ZNF304: variants seen among roughly 807,000 people sequenced by gnomAD.
The protein encoded by ZNF304 is KRAB-containing zinc finger protein.
Under a neutral mutation model 7.8 loss-of-function variants are expected in ZNF304, and 7 were observed. The observed-to-expected ratio is 0.90, with a 90% CI of 0.51 to 1.69. The LOEUF is 1.69. Ranked by LOEUF, ZNF304 falls within the 40% of genes most tolerant of loss-of-function variation. The pLI, the probability that ZNF304 is intolerant of heterozygous loss-of-function variation, is 0.00. For missense variants in ZNF304, 669 were observed against 804.8 expected (o/e 0.83, Z 2.04); for synonymous variants, 280 against 272.4 (o/e 1.03, Z -0.27).
intron 2 of ZNF304, chr19:57,355,246 C>A: frequency 1.3e-6 from 1 of 764,698 alleles, no homozygotes; most frequent in South Asian, 1.3e-5. Context: ...CTGCGCCACT[C>A]ACCTGCCCTT....
intron 1 of ZNF304, chr19:57,352,716 C>T (rs1308990810): frequency 6.6e-6 from 1 of 152,272 alleles, no homozygotes; most frequent in African/African-American, 2.4e-5. Flanking sequence ...GGTGTCTGGT[C>T]TAGAGGTGTG....
At chr19:57,354,593 G>A (rs1049259087) in intron 2 of ZNF304, among the ~76,000 whole-genome samples, 1 of 152,196 alleles carries the variant, frequency 6.6e-6, no homozygotes, top group South Asian at 2.1e-4. Context: ...GCCCAGGATT[G>A]TAACCTAATC....
rs1451014074 is a variant in ZNF304 at position 57,357,821 on chromosome 19, C to G, written c.1952C>G (p.Pro651Arg). 6.2e-7 allele frequency: 1 copy of G among 1,603,274 alleles called. No individual in the cohort carries two copies. Among genetic ancestry groups the G allele is most frequent in the South Asian group, 1.1e-5 (1 of 89,230 alleles). Residue 651 changes from proline to arginine, a missense_variant, in exon 3 of 3, where the codon CCT (proline) becomes CGT (arginine). Physicochemically the swap from Pro to Arg is moderately radical, Grantham distance 103. Transcript: ENST00000282286. ...RAHECNSFGG[P>R]LAASLKLV ...CACGAGTGCAACAGTTTTGGTGGCC[C>G]TTTAGCTGCATCTCTTAAACTTGTT...
At position 57,351,483 on chromosome 19, in the gene ZNF304, G is replaced by C; in HGVS notation, c.-182G>C. The C allele has an allele frequency of 7.4e-6, 5 of 671,840 alleles. No individual in the cohort carries two copies. The South Asian group carries it at 9.1e-5, about 12-fold the overall frequency. The allele number at this position is 671,840 out of a possible 1,614,324, so 41.6% of individuals were successfully genotyped here. On this transcript the variant is annotated 5_prime_UTR_variant, in exon 1 of 3. Coordinates refer to ENST00000282286, the MANE Select transcript of ZNF304 (RefSeq NM_020657.4). The surrounding 1 kb of genome is among the most constrained non-coding windows in gnomAD (Gnocchi z 4.1). ...TCTGCCGGGGCTGGGCTCTTACCGAGGCCTCCACACACGTCCTCTTGTCCT... is the reference window on the plus strand; with the variant it reads ...TCTGCCGGGGCTGGGCTCTTACCGACGCCTCCACACACGTCCTCTTGTCCT...
At chr19:57,353,699 G>T (rs967716181) in intron 1 of ZNF304, 26 bp from the exon 2 acceptor site, 2 of 1,588,920 alleles carry the variant, frequency 1.3e-6, no homozygotes, top group Non-Finnish European at 1.7e-6. Context: ...TGCTGACTGT[G>T]GACTCAGCTG....
rs1300907010 is a variant in ZNF304, at chr19:57,356,858, C to G, written c.989C>G (p.Thr330Ser). Residue 330 changes from threonine to serine, a missense_variant, in exon 3 of 3, where the codon ACT (threonine) becomes AGT (serine). Transcript: ENST00000282286. ...CTTGTTCAGCATCAGAGAGTTCACA[C>G]TGGAGAAAGATCTTATGACTGCAGT... ...DTLVQHQRVH[T>S]GERSYDCSEC... The G allele has an allele frequency of 2.5e-6, 4 of 1,613,956 alleles. No individual in the cohort carries two copies. The highest frequency in any genetic ancestry group is 2.5e-6 in the Non-Finnish European group (3 of 1,180,006).
In ZNF304 at chr19:57,351,367, A is replaced by T; in HGVS notation, c.-298A>T. ...ACGCGGCTCTCGTGGAACCTAGCAA[A>T]GAAAGACAGTGAAGACTGCAGGACC... On this transcript the variant is annotated 5_prime_UTR_variant, in exon 1 of 3. In the 5' UTR this introduces an upstream ATG that the reference lacks. Transcript: ENST00000282286. The surrounding 1 kb of genome is among the most constrained non-coding windows in gnomAD (Gnocchi z 4.1). The T allele has an allele frequency of 2.2e-6, 1 of 455,840 alleles. No individual in the cohort carries two copies. The allele number at this position is 455,840 out of a possible 1,614,324, so 28.2% of individuals were successfully genotyped here. A position where few individuals can be genotyped will look rare whatever the true frequency, so the allele number is the denominator to read the frequency against.
At position 57,351,944 on chromosome 19, in the gene ZNF304, T is replaced by C. The variant is rs2088280329; in HGVS notation, c.33+247T>C. On this transcript the variant is annotated intron_variant, in intron 1 of 2. Coordinates refer to ENST00000282286, the MANE Select transcript of ZNF304 (RefSeq NM_020657.4). The surrounding 1 kb of genome is among the most constrained non-coding windows in gnomAD (Gnocchi z 4.1). ...CTCTGTGCCTGGTGAGAACAGGGAC[T>C]AGGGGGTCAGAGGTAGGCCTGGAAT... The C allele has an allele frequency of 2.1e-6, 1 of 472,618 alleles. No individual in the cohort carries two copies. Among genetic ancestry groups the C allele is most frequent in the Non-Finnish European group, 3.7e-6 (1 of 268,206 alleles). The allele number at this position is 472,618 out of a possible 1,614,324, so 29.3% of individuals were successfully genotyped here.
At chr19:57,355,487 T>C (rs1047537908) in intron 2 of ZNF304, 1 of 673,714 alleles carries the variant, frequency 1.5e-6, no homozygotes, top group Non-Finnish European at 2.7e-6. Context: ...CCAAGGCCCA[T>C]AGTGATTCTT....
chr19:57,357,743 G>A lies in ZNF304; in HGVS notation c.1874G>A (p.Ser625Asn), dbSNP rs753022221. 1 of 1,614,216 alleles carries A rather than the reference G, an allele frequency of 6.2e-7. No individual in the cohort carries two copies. Among genetic ancestry groups the A allele is most frequent in the Non-Finnish European group, 8.5e-7 (1 of 1,180,026 alleles). The change falls in exon 3 of 3, where the codon AGC becomes AAC. Residue 625 changes from serine to asparagine, a missense_variant. Coordinates refer to ENST00000282286, the MANE Select transcript of ZNF304 (RefSeq NM_020657.4). ...TGCAGCGAATGTGGGAAAGCCTATA[G>A]CAGAAGCTCCCATCTTGTTCGTCAC... Reference protein sequence around the residue: ...YVCSECGKAYSRSSHLVRHQK... With the variant: ...YVCSECGKAYNRSSHLVRHQK...
chr19:57,352,144 TC>T (rs1011651114), intron 1 of ZNF304: 1 of 168,020 alleles, frequency 6.0e-6, no homozygotes, highest in African/African-American at 2.4e-5. Context: ...ACTGAAATAG[TC>T]CAGGTGAGCG....
At position 57,356,737 on chromosome 19, in the gene ZNF304, C is replaced by G. The variant is rs1321211938; in HGVS notation, c.868C>G (p.His290Asp). 6.2e-7 allele frequency: 1 copy of G among 1,614,222 alleles called. No individual in the cohort carries two copies. Among genetic ancestry groups the G allele is most frequent in the Non-Finnish European group, 8.5e-7 (1 of 1,180,046 alleles). Residue 290 changes from histidine to aspartate, a missense_variant, in exon 3 of 3, where the codon CAC becomes GAC. Physicochemically the swap from His to Asp is moderately conservative, Grantham distance 81. Coordinates refer to ENST00000282286, the MANE Select transcript of ZNF304 (RefSeq NM_020657.4). ...TAAGGAGTGTGGAAAAGCCTTCATT[C>G]ACTTGCACCACCTAAAAATGCACCA... Reference protein sequence around the residue: ...VCKECGKAFIHLHHLKMHQKF... With the variant: ...VCKECGKAFIDLHHLKMHQKF...
At chr19:57,354,719 G>C (rs1001891325) in intron 2 of ZNF304, among the ~76,000 whole-genome samples, 12 of 152,154 alleles carry the variant, frequency 7.9e-5, no homozygotes, top group Non-Finnish European at 1.5e-4. Flanking sequence ...CAAGAGGTAG[G>C]GATCACTGGG....
Position 57,351,809 on chromosome 19 carries a change from C to A in ZNF304, c.33+112C>A. 1 of 1,213,836 alleles carries A rather than the reference C, an allele frequency of 8.2e-7. No homozygotes were observed. Among genetic ancestry groups the A allele is most frequent in the Non-Finnish European group, 1.2e-6 (1 of 865,102 alleles). 75.2% of individuals were successfully genotyped at this position (1,213,836 alleles called of 1,614,324 possible). A position where few individuals can be genotyped will look rare whatever the true frequency, so the allele number is the denominator to read the frequency against. ...CTCCGTCGCATTATGTGGAGGGGTTCCGCTCCCCTCATCAGTGGCATAAGG... is the reference window on the plus strand; with the variant it reads ...CTCCGTCGCATTATGTGGAGGGGTTACGCTCCCCTCATCAGTGGCATAAGG... On this transcript the variant is annotated intron_variant, in intron 1 of 2. Coordinates refer to ENST00000282286, the MANE Select transcript of ZNF304 (RefSeq NM_020657.4). This position sits in a 1 kb window ranked among gnomAD's most constrained non-coding sequence, Gnocchi z 4.1.
Position 57,356,078 on chromosome 19 carries a change from C to A in ZNF304, c.209C>A (p.Ser70Tyr), listed in dbSNP as rs2088332279. Residue 70 changes from serine (S) to tyrosine (Y), a missense_variant, in exon 3 of 3, where the codon TCT (serine) becomes TAT (tyrosine). Coordinates refer to ENST00000282286, the MANE Select transcript of ZNF304 (RefSeq NM_020657.4). ...EHEAPSEQSVSVEGVSQVRTA... is the reference protein window; with the variant it reads ...EHEAPSEQSVYVEGVSQVRTA... ...GAGGCACCTTCTGAGCAGAGCGTTT[C>A]TGTAGAAGGAGTGTCACAGGTCAGG... is the stretch of plus-strand genomic sequence containing the variant. 6.2e-7 allele frequency: 1 copy of A among 1,613,982 alleles called. No individual in the cohort carries two copies. Among genetic ancestry groups the A allele is most frequent in the African/African-American group, 1.3e-5 (1 of 74,926 alleles).
In ZNF304 at chr19:57,359,126, CA is replaced by C. The variant is rs2088389632; in HGVS notation, c.*1279del. ...TTCAGACATCTGTATCTCCTGTGGC[CA>C]AGGCCACTGTCAGAGGAAATAATCT... On this transcript the variant is annotated 3_prime_UTR_variant, in exon 3 of 3. Transcript: ENST00000282286. 2.0e-5 allele frequency: 3 copies of C among 152,176 alleles called. No individual in the cohort carries two copies. The highest frequency in any genetic ancestry group is 7.2e-5 in the African/African-American group (3 of 41,438). The allele number at this position is 152,176 out of a possible 1,614,324, so 9.4% of individuals were successfully genotyped here. A position where few individuals can be genotyped will look rare whatever the true frequency, so the allele number is the denominator to read the frequency against.
Position 57,358,250 on chromosome 19 carries a change from C to T in ZNF304, c.*401C>T, listed in dbSNP as rs1334103586. On this transcript the variant is annotated 3_prime_UTR_variant, in exon 3 of 3. Transcript: ENST00000282286. Reference sequence around the variant, plus strand: ...TTTCAAGGACTTCCCCCCCCCCCCACTTCACCCCCTACCATTGAGGGTCCT... The same window carrying T: ...TTTCAAGGACTTCCCCCCCCCCCCATTTCACCCCCTACCATTGAGGGTCCT... 8.0e-6 allele frequency: 1 copy of T among 124,390 alleles called. No individual in the cohort carries two copies. Among genetic ancestry groups the T allele is most frequent in the African/African-American group, 3.6e-5 (1 of 27,452 alleles). The allele number at this position is 124,390 out of a possible 1,614,324, so 7.7% of individuals were successfully genotyped here.
At position 57,359,393 on chromosome 19, in the gene ZNF304, C is replaced by A. The variant is rs1208201638; in HGVS notation, c.*1544C>A. On this transcript the variant is annotated 3_prime_UTR_variant, in exon 3 of 3. Transcript: ENST00000282286. ...CAAAATAGTTGACAGATCTAACTTTCCTAGTGGAACAGTATATATAGATTT... is the reference window on the plus strand; with the variant it reads ...CAAAATAGTTGACAGATCTAACTTTACTAGTGGAACAGTATATATAGATTT... 3 of 152,162 alleles carry A rather than the reference C, an allele frequency of 2.0e-5. No individual in the cohort carries two copies. The highest frequency in any genetic ancestry group is 2.9e-5 in the Non-Finnish European group (2 of 68,034). 9.4% of individuals were successfully genotyped at this position (152,162 alleles called of 1,614,324 possible).
chr19:57,355,696 T>A (rs959229029), intron 2 of ZNF304, among the ~76,000 whole-genome samples: 2 of 152,178 alleles, frequency 1.3e-5, no homozygotes, highest in Non-Finnish European at 2.9e-5. Flanking sequence ...GGAGTCAGAT[T>A]TTCGTGGGCA....
Sources: gnomAD v4.1 joint callset for allele counts (sites outside exome capture counted in the v4.1 genomes callset) on GRCh38, gnomAD v4.1.1 for gene constraint, Gnocchi (gnomAD v3.1) non-coding constraint, MANE v1.5 for transcripts, NCBI Gene and HGNC (gene_info 2026-07-23, HGNC 2026-07-21) for gene names.